NUP37: variants seen among roughly 807,000 people sequenced by gnomAD.
NUP37 encodes the protein nucleoporin 37, also known as nucleoporin Nup37.
Under a neutral mutation model 45.4 loss-of-function variants are expected in NUP37, and 33 were observed. That is an observed-to-expected ratio of 0.73 (90% CI 0.55 to 0.97). NUP37 has a LOEUF of 0.97. Ranked by LOEUF, NUP37 falls within the 50% of genes least tolerant of loss-of-function variation. The pLI, the probability that NUP37 is intolerant of heterozygous loss-of-function variation, is 0.00. For synonymous variants in NUP37, 127 were observed against 130.7 expected (o/e 0.97, Z 0.19); for missense variants, 365 against 389.7 (o/e 0.94, Z 0.53).
At chr12:102,086,862 T>C (rs138224911) in intron 5 of NUP37, among the ~76,000 whole-genome samples, 6 of 152,322 alleles carry the variant, frequency 3.9e-5, no homozygotes, top group African/African-American at 9.6e-5. Context: ...GACAGAAGGA[T>C]TGCTTGAGCC....
At chr12:102,088,529 C>T (rs1191278644) in intron 5 of NUP37, among the ~76,000 whole-genome samples, 1 of 152,104 alleles carries the variant, frequency 6.6e-6, no homozygotes, top group Non-Finnish European at 1.5e-5. Context: ...ACCCACTATT[C>T]TGACTTCAAA....
At chr12:102,092,206 A>G (rs1439790228) in intron 5 of NUP37, among the ~76,000 whole-genome samples, 1 of 152,206 alleles carries the variant, frequency 6.6e-6, no homozygotes, top group Non-Finnish European at 1.5e-5. Context: ...TTCTACTACC[A>G]AATGTTTTTT....
In NUP37 at chr12:102,096,153, A is replaced by G. The variant is rs149865493; in HGVS notation, c.449+2953T>C. Among the ~76,000 whole-genome samples, 865 of 152,204 alleles carry G rather than the reference A, an allele frequency of 5.7e-3. 8 individuals are homozygous for G. Among genetic ancestry groups the G allele is most frequent in the African/African-American group, 0.019 (788 of 41,554 alleles). ...TGTACTTATATATTTGGAAGGCTACATTTTCTGTGAGTTTCATTTAAAAAG... is the reference window on the plus strand; with the variant it reads ...TGTACTTATATATTTGGAAGGCTACGTTTTCTGTGAGTTTCATTTAAAAAG... On this transcript the variant is annotated intron_variant, in intron 5 of 9. Coordinates refer to ENST00000552283, the MANE Select transcript of NUP37 (RefSeq NM_024057.4).
At chr12:102,082,659 T>C (rs922071957) in intron 6 of NUP37, among the ~76,000 whole-genome samples, 1 of 152,188 alleles carries the variant, frequency 6.6e-6, no homozygotes, top group Non-Finnish European at 1.5e-5. Context: ...CTCCAGGCAG[T>C]TAATTCAAGA....
intron 3 of NUP37, among the ~76,000 whole-genome samples, chr12:102,109,692 A>T (rs1411671318): frequency 6.6e-6 from 1 of 152,224 alleles, no homozygotes; most frequent in Non-Finnish European, 1.5e-5. Flanking sequence ...GAGACAGTTT[A>T]CCAAAAAATA....
At position 102,101,018 on chromosome 12, in the gene NUP37, G is replaced by A; in HGVS notation, c.354+14C>T. The A allele has an allele frequency of 7.1e-7, 1 of 1,402,034 alleles. No homozygotes were observed. Among genetic ancestry groups the A allele is most frequent in the Non-Finnish European group, 9.8e-7 (1 of 1,021,270 alleles). The allele number at this position is 1,402,034 out of a possible 1,614,324, so 86.8% of individuals were successfully genotyped here. A position where few individuals can be genotyped will look rare whatever the true frequency, so the allele number is the denominator to read the frequency against. Reference sequence around the variant, plus strand: ...TAAAATAAGCTCTAAAGATTTATATGGTTGTCAACATACCTTATATTCATT... The same window carrying A: ...TAAAATAAGCTCTAAAGATTTATATAGTTGTCAACATACCTTATATTCATT... On this transcript the variant is annotated intron_variant, in intron 4 of 9. Transcript: ENST00000552283.
intron 3 of NUP37, among the ~76,000 whole-genome samples, chr12:102,110,678 C>CA (rs1238339744): frequency 6.6e-6 from 1 of 151,974 alleles, no homozygotes; most frequent in East Asian, 1.9e-4. Flanking sequence ...CCTGTCCCTA[C>CA]AAAAAATACC....
chr12:102,082,536 C>T (rs189929589), intron 6 of NUP37, among the ~76,000 whole-genome samples: 2 of 152,284 alleles, frequency 1.3e-5, no homozygotes, highest in East Asian at 1.9e-4. Flanking sequence ...GGATTTTACA[C>T]GTTAGCACAT....
intron 6 of NUP37, 74 bp downstream of exon 6, chr12:102,085,692 C>A: frequency 1.5e-6 from 1 of 652,894 alleles, no homozygotes; most frequent in Non-Finnish European, 2.6e-6. Context: ...GATCTTCCTC[C>A]TCTATGTATG....
chr12:102,076,854 GATAAT>G lies in NUP37; in HGVS notation c.723-12_723-8del. Reference sequence around the variant, plus strand: ...TCTCTTATTTTGAGGATAACTAAAAGATAATATTTTGCATTTTATGAATTATGTGT... The same window carrying G: ...TCTCTTATTTTGAGGATAACTAAAAGATTTTGCATTTTATGAATTATGTGT... On this transcript the variant is annotated splice_region_variant and splice_polypyrimidine_tract_variant and intron_variant, in intron 7 of 9. Transcript: ENST00000552283. 6.2e-7 allele frequency: 1 copy of G among 1,608,092 alleles called. No individual in the cohort carries two copies. Among genetic ancestry groups the G allele is most frequent in the Non-Finnish European group, 8.5e-7 (1 of 1,175,460 alleles).
intron 3 of NUP37, among the ~76,000 whole-genome samples, chr12:102,105,295 T>C (rs1192781031): frequency 6.6e-6 from 1 of 151,806 alleles, no homozygotes; most frequent in Non-Finnish European, 1.5e-5. Context: ...GAGGCCAAAA[T>C]GGGCAGACTA....
intron 8 of NUP37, among the ~76,000 whole-genome samples, chr12:102,075,788 G>C (rs938847564): frequency 2.0e-5 from 3 of 152,088 alleles, no homozygotes; most frequent in African/African-American, 7.2e-5. Context: ...TCAGGGCACA[G>C]TGTGTCCTAC....
intron 3 of NUP37, among the ~76,000 whole-genome samples, chr12:102,111,392 A>T (rs1880314031): frequency 6.6e-6 from 1 of 152,210 alleles, no homozygotes; most frequent in Admixed American, 6.5e-5. Context: ...GTCAAAACTG[A>T]TCAAACTATA....
At chr12:102,101,277 C>A (rs759687035) in intron 3 of NUP37, among the ~76,000 whole-genome samples, 173 bp from the exon 4 acceptor site, 1 of 151,982 alleles carries the variant, frequency 6.6e-6, no homozygotes, top group Admixed American at 6.6e-5. Context: ...AAGTATTATA[C>A]AGCCATCACA....
chr12:102,094,731 A>G lies in NUP37; in HGVS notation c.449+4375T>C, dbSNP rs181757741. ...TTATACAGTGATTTGGTTACATTCT[A>G]ATATCTTATTCTTTATTTTTTATAT... is the stretch of plus-strand genomic sequence containing the variant. On this transcript the variant is annotated intron_variant, in intron 5 of 9. Transcript: ENST00000552283. Among the ~76,000 whole-genome samples, 15 of 152,174 alleles carry G rather than the reference A, an allele frequency of 9.9e-5. No homozygotes were observed. In the East Asian group the frequency reaches 2.9e-3, roughly 29 times the overall value.
chr12:102,097,077 G>A (rs1879826719), intron 5 of NUP37, among the ~76,000 whole-genome samples: 1 of 151,900 alleles, frequency 6.6e-6, no homozygotes, highest in South Asian at 2.1e-4. Flanking sequence ...TCTCATTCTG[G>A]GATCAGTAGC....
chr12:102,104,854 T>C (rs979451226), intron 3 of NUP37, among the ~76,000 whole-genome samples: 1 of 152,352 alleles, frequency 6.6e-6, no homozygotes, highest in South Asian at 2.1e-4. Flanking sequence ...CTGTATAGCA[T>C]TGCGATACGA....
At chr12:102,078,625 G>A (rs1457930990) in intron 6 of NUP37, among the ~76,000 whole-genome samples, 3 of 152,304 alleles carry the variant, frequency 2.0e-5, no homozygotes, top group African/African-American at 7.2e-5. Context: ...CATGTGACTG[G>A]CAGCTTTCTC....
intron 5 of NUP37, 87 bp downstream of exon 5, chr12:102,099,017 TAA>T: frequency 2.2e-6 from 2 of 890,636 alleles, no homozygotes; most frequent in East Asian, 5.2e-5. Flanking sequence ...AGAATTTATG[TAA>T]AAGTCACATT....
Sources: gnomAD v4.1 joint callset for allele counts (sites outside exome capture counted in the v4.1 genomes callset) on GRCh38, gnomAD v4.1.1 for gene constraint, MANE v1.5 for transcripts, NCBI Gene and HGNC (gene_info 2026-07-23, HGNC 2026-07-21) for gene names.